PTPRD: variants seen among roughly 807,000 people sequenced by gnomAD.
The protein encoded by PTPRD is protein tyrosine phosphatase receptor type D.
In PTPRD, 34 loss-of-function variants were observed where a neutral mutation model predicts 214.5. The ratio of observed to expected loss-of-function variants is 0.16; its 90% CI spans 0.12 to 0.21. The LOEUF (loss-of-function observed/expected upper bound fraction) is 0.21, where lower values mean the gene tolerates loss of function less well. Among genes scored for constraint, PTPRD ranks in the 10% least tolerant of loss-of-function variants. PTPRD has a pLI of 1.00. For synonymous variants in PTPRD, 1,128 were observed against 845.7 expected, an observed-to-expected ratio of 1.33 and a Z score of -5.79; for missense variants, 2,545 against 2,398.7, an observed-to-expected ratio of 1.06 and a Z score of -1.27.
At chr9:9,072,122 T>C (rs1470969256) in intron 10 of PTPRD, among the ~76,000 whole-genome samples, 1 of 152,142 alleles carries the variant, frequency 6.6e-6, no homozygotes, top group African/African-American at 2.4e-5. Flanking sequence ...GACATAGTGT[T>C]ACCAAACTTT....
At chr9:8,437,380 T>G in intron 34 of PTPRD, 2 of 622,206 alleles carry the variant, frequency 3.2e-6, no homozygotes, top group Non-Finnish European at 5.4e-6. Context: ...ACATTGTGGC[T>G]AGTACAATGT....
chr9:9,975,217 A>T (rs865975826), intron 4 of PTPRD, among the ~76,000 whole-genome samples: 7 of 152,244 alleles, frequency 4.6e-5, no homozygotes, highest in African/African-American at 1.4e-4. Context: ...GTCTTACCAT[A>T]TCCATGGACT....
At chr9:10,396,884 G>A (rs1163613686) in intron 2 of PTPRD, among the ~76,000 whole-genome samples, 1 of 151,950 alleles carries the variant, frequency 6.6e-6, no homozygotes, top group Non-Finnish European at 1.5e-5. Context: ...AAATTACATA[G>A]CTAACACTGC....
intron 2 of PTPRD, among the ~76,000 whole-genome samples, chr9:10,344,439 G>T (rs1212772626): frequency 6.6e-6 from 1 of 152,148 alleles, no homozygotes; most frequent in African/African-American, 2.4e-5. Context: ...TAGTCTTGTA[G>T]TATAGCTTGA....
intron 8 of PTPRD, among the ~76,000 whole-genome samples, chr9:9,406,813 GA>G (rs965639970): frequency 8.1e-5 from 12 of 148,280 alleles, no homozygotes; most frequent in Non-Finnish European, 1.3e-4. Context: ...CAGTAGGCTT[GA>G]AAAAAATATC....
chr9:9,478,059 G>A (rs991446780), intron 8 of PTPRD, among the ~76,000 whole-genome samples: 3 of 152,024 alleles, frequency 2.0e-5, no homozygotes, highest in Admixed American at 6.6e-5. Context: ...AAAAATTTGT[G>A]GTCTATGAGG....
chr9:10,029,832 A>G (rs1370082990), intron 4 of PTPRD, among the ~76,000 whole-genome samples: 1 of 152,144 alleles, frequency 6.6e-6, no homozygotes, highest in Admixed American at 6.5e-5. Flanking sequence ...ATATGAGAAC[A>G]TAAGATTTGG....
At chr9:9,800,874 A>G (rs1018634795) in intron 5 of PTPRD, among the ~76,000 whole-genome samples, 1 of 152,140 alleles carries the variant, frequency 6.6e-6, no homozygotes, top group Admixed American at 6.5e-5. Flanking sequence ...AAAATTTAAT[A>G]AACATTTCTT....
chr9:10,475,190 C>A (rs1274321044), intron 2 of PTPRD, among the ~76,000 whole-genome samples: 2 of 151,972 alleles, frequency 1.3e-5, no homozygotes, highest in African/African-American at 4.8e-5. Flanking sequence ...ATCAGTGAAT[C>A]CAGGAGCGGA....
chr9:8,497,383 T>C, intron 25 of PTPRD, 115 bp from the exon 26 acceptor site: 2 of 813,314 alleles, frequency 2.5e-6, no homozygotes, highest in South Asian at 2.3e-5. Flanking sequence ...AATAAAGCAG[T>C]GTGTACAATA....
chr9:10,186,763 G>C (rs1210726433), intron 3 of PTPRD, among the ~76,000 whole-genome samples: 1 of 152,054 alleles, frequency 6.6e-6, no homozygotes, highest in Non-Finnish European at 1.5e-5. Flanking sequence ...CTAGACTACT[G>C]TCACAAGATA....
At chr9:10,345,124 A>C (rs1052511890) in intron 2 of PTPRD, among the ~76,000 whole-genome samples, 3 of 152,098 alleles carry the variant, frequency 2.0e-5, no homozygotes, top group African/African-American at 7.2e-5. Flanking sequence ...ATTGCATCTG[A>C]TTCATTGCAA....
chr9:9,362,383 G>GA (rs1032940997), intron 9 of PTPRD, among the ~76,000 whole-genome samples: 6 of 150,782 alleles, frequency 4.0e-5, no homozygotes, highest in Admixed American at 2.7e-4. Flanking sequence ...TTTGTTAAGG[G>GA]AAAAAAACAA....
chr9:9,897,568 T>C (rs2075338926), intron 5 of PTPRD, among the ~76,000 whole-genome samples: 2 of 152,066 alleles, frequency 1.3e-5, no homozygotes, highest in Non-Finnish European at 2.9e-5. Context: ...AATACCCCCA[T>C]AGGAGTATCC....
chr9:10,523,435 T>C (rs1307653299), intron 2 of PTPRD, among the ~76,000 whole-genome samples: 2 of 151,560 alleles, frequency 1.3e-5, no homozygotes, highest in Non-Finnish European at 2.9e-5. Context: ...CTGTTCCCAC[T>C]TCAGTCTTTT....
intron 3 of PTPRD, among the ~76,000 whole-genome samples, chr9:10,280,923 A>C (rs60677326): frequency 0.19 from 28,760 of 152,014 alleles, 3,851 homozygotes; most frequent in African/African-American, 0.38. Flanking sequence ...GCCAAATTTG[A>C]ATTTTTAAAA....
chr9:10,203,927 C>T (rs148191247), intron 3 of PTPRD, among the ~76,000 whole-genome samples: 25 of 152,258 alleles, frequency 1.6e-4, no homozygotes, highest in Non-Finnish European at 1.0e-4. Flanking sequence ...GAAGCTAAAT[C>T]CTATCATCAT....
intron 3 of PTPRD, among the ~76,000 whole-genome samples, chr9:10,183,419 T>G (rs1469971119): frequency 2.6e-5 from 4 of 152,158 alleles, no homozygotes; most frequent in Non-Finnish European, 5.9e-5. Context: ...AATGTATATC[T>G]CTGAAGGACT....
intron 3 of PTPRD, among the ~76,000 whole-genome samples, chr9:10,278,525 G>A (rs1595982988): frequency 6.6e-6 from 1 of 152,098 alleles, no homozygotes; most frequent in South Asian, 2.1e-4. Context: ...AGATTCCACT[G>A]CAGAACAGGA....
Sources: allele counts gnomAD v4.1 joint callset (sites outside exome capture counted in the v4.1 genomes callset), GRCh38; gene constraint gnomAD v4.1.1; transcripts MANE v1.5; gene names NCBI Gene and HGNC (gene_info 2026-07-23, HGNC 2026-07-21).